The following KCNIP4 variants were observed in gnomAD, a reference collection of about 807,000 sequenced individuals.
KCNIP4 encodes the protein Kv channel-interacting protein 4.
In KCNIP4, 12 loss-of-function variants were observed where a neutral mutation model predicts 34.0. That is an observed-to-expected ratio of 0.35 (90% CI 0.23 to 0.57). The LOEUF (loss-of-function observed/expected upper bound fraction) is 0.57, where lower values mean the gene tolerates loss of function less well. Ranked by LOEUF, KCNIP4 falls within the 20% of genes least tolerant of loss-of-function variation. The probability of loss-of-function intolerance (pLI) is 0.83; values close to 1 mark genes in which losing one functional copy is unlikely to be tolerated. For missense variants in KCNIP4, 238 were observed against 311.7 expected (o/e 0.76, Z 1.78); for synonymous variants, 124 against 102.2 (o/e 1.21, Z -1.29).
chr4:21,789,221 C>T (rs920488933), intron 1 of KCNIP4, among the ~76,000 whole-genome samples: 4 of 152,136 alleles, frequency 2.6e-5, no homozygotes, highest in Non-Finnish European at 4.4e-5. Context: ...TTCATGCCAC[C>T]TCCCACAGAG....
At chr4:21,808,494 T>A (rs936904248) in intron 1 of KCNIP4, among the ~76,000 whole-genome samples, 7 of 152,212 alleles carry the variant, frequency 4.6e-5, no homozygotes, top group Non-Finnish European at 8.8e-5. Flanking sequence ...ATACAGTATA[T>A]AAAACACATA....
intron 1 of KCNIP4, among the ~76,000 whole-genome samples, chr4:21,618,114 T>C (rs565359510): frequency 1.4e-4 from 21 of 152,288 alleles, no homozygotes; most frequent in African/African-American, 5.1e-4. Flanking sequence ...CAGACTTTAA[T>C]AGGAATATAT....
At chr4:21,255,326 T>C (rs1237187673) in intron 1 of KCNIP4, among the ~76,000 whole-genome samples, 1 of 152,156 alleles carries the variant, frequency 6.6e-6, no homozygotes, top group African/African-American at 2.4e-5. Flanking sequence ...TTAAAAGCCG[T>C]GTTGCTTCTT....
chr4:21,814,365 T>C (rs904043059), intron 1 of KCNIP4, among the ~76,000 whole-genome samples: 12 of 152,102 alleles, frequency 7.9e-5, no homozygotes, highest in Admixed American at 2.0e-4. Flanking sequence ...TGTGAGGTAA[T>C]TGAATTACAG....
chr4:21,830,783 T>C (rs1168933094), intron 1 of KCNIP4, among the ~76,000 whole-genome samples: 2 of 152,082 alleles, frequency 1.3e-5, no homozygotes, highest in Non-Finnish European at 2.9e-5. Context: ...ACATCCAAAT[T>C]AAAGTATATG....
At chr4:20,977,207 C>T (rs1470522888) in intron 1 of KCNIP4, among the ~76,000 whole-genome samples, 1 of 152,140 alleles carries the variant, frequency 6.6e-6, no homozygotes, top group East Asian at 1.9e-4. Flanking sequence ...TGCTTCTTTA[C>T]CTATTACAGC....
chr4:20,921,408 T>C (rs937652070), intron 1 of KCNIP4, among the ~76,000 whole-genome samples: 4 of 152,196 alleles, frequency 2.6e-5, no homozygotes, highest in Admixed American at 2.6e-4. Context: ...CAGATATATT[T>C]TCTGGTTAGA....
intron 1 of KCNIP4, among the ~76,000 whole-genome samples, chr4:20,968,389 A>G (rs1420630227): frequency 6.6e-6 from 1 of 152,154 alleles, no homozygotes; most frequent in Non-Finnish European, 1.5e-5. Context: ...AGGATCTAGA[A>G]CCAGAAATAC....
At chr4:21,757,882 G>A (rs1322977123) in intron 1 of KCNIP4, among the ~76,000 whole-genome samples, 2 of 152,134 alleles carry the variant, frequency 1.3e-5, no homozygotes, top group Admixed American at 6.5e-5. Flanking sequence ...AGTATTGGGT[G>A]TAAGAGTATA....
At chr4:21,481,958 G>C (rs942592453) in intron 1 of KCNIP4, among the ~76,000 whole-genome samples, 7 of 152,078 alleles carry the variant, frequency 4.6e-5, no homozygotes, top group African/African-American at 1.4e-4. Context: ...TCTCTTTGTA[G>C]GTCTCTAAGG....
In KCNIP4 at chr4:20,728,927, A is replaced by AATAATCTGAATT; in HGVS notation, c.*1143_*1154dup. 1 of 146,156 alleles carries AATAATCTGAATT rather than the reference A, an allele frequency of 6.8e-6. No homozygotes were observed. The allele number at this position is 146,156 out of a possible 1,614,324, so 9.1% of individuals were successfully genotyped here. The stretch of plus-strand genomic sequence containing the variant: ...TACAGTTTTGGCTAAGATGATTAAA[A>AATAATCTGAATT]ATAATCTGAATTATGATGAGCTAAA... On this transcript the variant is annotated 3_prime_UTR_variant, in exon 9 of 9. Coordinates refer to ENST00000382152, the MANE Select transcript of KCNIP4 (RefSeq NM_025221.6).
intron 1 of KCNIP4, among the ~76,000 whole-genome samples, chr4:21,259,181 G>C (rs1261420221): frequency 1.3e-5 from 2 of 152,152 alleles, no homozygotes; most frequent in Non-Finnish European, 2.9e-5. Context: ...CTTCAAGACT[G>C]TCAGCCTCCA....
chr4:21,289,066 A>T (rs1279435770), intron 1 of KCNIP4, among the ~76,000 whole-genome samples: 1 of 152,202 alleles, frequency 6.6e-6, no homozygotes, highest in Non-Finnish European at 1.5e-5. Context: ...GTGTGCTTTT[A>T]GGGGGAAATT....
chr4:21,041,661 G>T (rs534487062), intron 1 of KCNIP4, among the ~76,000 whole-genome samples: 36 of 152,114 alleles, frequency 2.4e-4, no homozygotes, highest in Non-Finnish European at 4.3e-4. Flanking sequence ...TCATCCTAAT[G>T]ACATGCAAAG....
chr4:21,896,133 C>T (rs952133016), intron 1 of KCNIP4, among the ~76,000 whole-genome samples: 6 of 152,210 alleles, frequency 3.9e-5, no homozygotes, highest in East Asian at 1.9e-4. Flanking sequence ...CCTCTCTATG[C>T]GACAGAGTTC....
At chr4:21,753,755 CTT>C (rs1448722546) in intron 1 of KCNIP4, among the ~76,000 whole-genome samples, 2 of 152,274 alleles carry the variant, frequency 1.3e-5, no homozygotes, top group Non-Finnish European at 2.9e-5. Context: ...GTCAAGAAAA[CTT>C]TTTATTGAAG....
At chr4:21,454,562 GT>G (rs1303634210) in intron 1 of KCNIP4, among the ~76,000 whole-genome samples, 1 of 152,072 alleles carries the variant, frequency 6.6e-6, no homozygotes, top group Non-Finnish European at 1.5e-5. Flanking sequence ...AAGGTAATGA[GT>G]TAATTTTCCA....
intron 1 of KCNIP4, among the ~76,000 whole-genome samples, chr4:21,346,318 C>T (rs1475176930): frequency 8.1e-5 from 4 of 49,284 alleles, no homozygotes; most frequent in Non-Finnish European, 1.3e-4. Flanking sequence ...TTCTATAGTG[C>T]CTATATTCTA....
intron 1 of KCNIP4, among the ~76,000 whole-genome samples, chr4:20,902,795 C>T (rs1727301040): frequency 6.6e-6 from 1 of 152,176 alleles, no homozygotes; most frequent in African/African-American, 2.4e-5. Flanking sequence ...GCTGGGATTA[C>T]AAGCGTGAAC....
Sources: gnomAD v4.1 joint callset for allele counts (sites outside exome capture counted in the v4.1 genomes callset) on GRCh38, gnomAD v4.1.1 for gene constraint, MANE v1.5 for transcripts, NCBI Gene and HGNC (gene_info 2026-07-23, HGNC 2026-07-21) for gene names.